The following COL4A6 variants were observed in gnomAD, a reference collection of about 807,000 sequenced individuals.
COL4A6 encodes collagen alpha-6(IV) chain.
A neutral mutation model predicts 126.7 loss-of-function variants in COL4A6; 59 were observed. The ratio of observed to expected loss-of-function variants is 0.47; its 90% CI spans 0.38 to 0.58. The LOEUF (loss-of-function observed/expected upper bound fraction) is 0.58. Ranked by LOEUF, COL4A6 falls within the 20% of genes least tolerant of loss-of-function variation. COL4A6 has a pLI of 0.00. For synonymous variants in COL4A6, 547 were observed against 496.6 expected, an observed-to-expected ratio of 1.10 and a Z score of -1.35; for missense variants, 1,285 against 1,337.3, an observed-to-expected ratio of 0.96 and a Z score of 0.61.
chrX:108,158,271 C>T (rs934751376), intron 44 of COL4A6, among the ~76,000 whole-genome samples: 1 of 112,953 alleles, frequency 8.9e-6, no homozygotes, highest in Non-Finnish European at 1.9e-5. Flanking sequence ...CCAAGGGGTA[C>T]GGCCCGTAGA....
At chrX:108,350,893 G>A (rs183046354) in intron 2 of COL4A6, among the ~76,000 whole-genome samples, 5 of 111,602 alleles carry the variant, frequency 4.5e-5, no homozygotes, top group East Asian at 5.6e-4. Flanking sequence ...GTAGTTGACC[G>A]TCAAAATCGA....
chrX:108,401,602 T>A (rs1271270108), intron 2 of COL4A6, among the ~76,000 whole-genome samples: 1 of 111,237 alleles, frequency 9.0e-6, no homozygotes, highest in South Asian at 3.8e-4. Context: ...GTGGGTACTC[T>A]TACTTTTCTT....
chrX:108,238,724 C>A (rs1340992913), intron 3 of COL4A6, among the ~76,000 whole-genome samples: 1 of 109,787 alleles, frequency 9.1e-6, no homozygotes, highest in Non-Finnish European at 1.9e-5. Context: ...ATATGCAGCA[C>A]TGAGGTTTCT....
At chrX:108,235,642 G>GGTTC (rs2036412229) in intron 3 of COL4A6, among the ~76,000 whole-genome samples, 1 of 111,154 alleles carries the variant, frequency 9.0e-6, no homozygotes, top group South Asian at 3.8e-4. Flanking sequence ...GTTTTGTCAG[G>GGTTC]GTTCTTCATC....
intron 3 of COL4A6, among the ~76,000 whole-genome samples, chrX:108,231,847 T>C (rs756762629): frequency 8.9e-6 from 1 of 112,292 alleles, no homozygotes; most frequent in East Asian, 2.8e-4. Flanking sequence ...ATATAATTAA[T>C]AAATTAAGAA....
chrX:108,211,612 G>T (rs2148226820), intron 7 of COL4A6, 60 bp downstream of exon 7: 1 of 1,054,042 alleles, frequency 9.5e-7, no homozygotes, highest in Non-Finnish European at 1.3e-6. Flanking sequence ...TGGAGGTGGG[G>T]CCCAATGCTG....
At chrX:108,274,369 G>C (rs1195090173) in intron 3 of COL4A6, among the ~76,000 whole-genome samples, 1 of 111,496 alleles carries the variant, frequency 9.0e-6, no homozygotes, top group African/African-American at 3.3e-5. Context: ...TTGGGTATAA[G>C]GATGGTCTCT....
At position 108,160,481 on chromosome X, in the gene COL4A6, CT is replaced by C; in HGVS notation, c.4506del (p.Ala1503ProfsTer50). The C allele has an allele frequency of 8.3e-7, 1 of 1,203,028 alleles. No individual in the cohort carries two copies. The highest frequency in any genetic ancestry group is 1.1e-6 in the Non-Finnish European group (1 of 891,197). ...TACCTACCCAGGTCCTGGTTGTGGG[CT>C]TTCTCTTGCCCCTCCACAAACAGTA... ...YSLLFVEGQE[K>X]AHNQDLGFAG... On this transcript the variant is annotated frameshift_variant, in exon 43 of 45. Coordinates refer to ENST00000334504, the MANE Select transcript of COL4A6 (RefSeq NM_033641.4). LOFTEE classifies it high-confidence loss of function.
At chrX:108,358,943 G>A (rs1298879643) in intron 2 of COL4A6, among the ~76,000 whole-genome samples, 1 of 111,494 alleles carries the variant, frequency 9.0e-6, no homozygotes, top group Non-Finnish European at 1.9e-5. Flanking sequence ...AGGCATGAGG[G>A]AGAGGGAGTA....
chrX:108,205,509 A>C lies in COL4A6; in HGVS notation c.646-29T>G, dbSNP rs868435647. The C allele has an allele frequency of 9.4e-6, 11 of 1,164,300 alleles. No individual in the cohort carries two copies. The Middle Eastern group carries it at 1.9e-3, about 202-fold the overall frequency. On this transcript the variant is annotated intron_variant, in intron 10 of 44. Transcript: ENST00000334504. ...GGGAATAGGGATATAGGGAGGAAAA[A>C]CAAAATCGATTACTAAATAAGCTCT...
chrX:108,386,543 C>T (rs1473308245), intron 2 of COL4A6, among the ~76,000 whole-genome samples: 5 of 111,917 alleles, frequency 4.5e-5, no homozygotes, highest in Admixed American at 9.5e-5. Flanking sequence ...ATGTTCATAT[C>T]GTTCGCCCAC....
At chrX:108,310,572 T>C (rs1283037775) in intron 3 of COL4A6, among the ~76,000 whole-genome samples, 176 bp downstream of exon 3, 1 of 112,363 alleles carries the variant, frequency 8.9e-6, no homozygotes, top group Non-Finnish European at 1.9e-5. Context: ...CTCAGAGAGT[T>C]TGACCAATCT....
At chrX:108,239,387 T>A (rs2036517323) in intron 3 of COL4A6, among the ~76,000 whole-genome samples, 1 of 112,402 alleles carries the variant, frequency 8.9e-6, no homozygotes, top group South Asian at 3.7e-4. Context: ...AATCCAACTC[T>A]ATTTTTCTCC....
intron 2 of COL4A6, among the ~76,000 whole-genome samples, chrX:108,327,597 T>G (rs575615010): frequency 9.1e-6 from 1 of 110,074 alleles, no homozygotes; most frequent in Admixed American, 9.7e-5. Flanking sequence ...AAATTAAAAT[T>G]TATCTATAGT....
chrX:108,361,018 G>A (rs1018665021), intron 2 of COL4A6, among the ~76,000 whole-genome samples: 1 of 111,212 alleles, frequency 9.0e-6, no homozygotes, highest in African/African-American at 3.3e-5. Context: ...GAGGCTGGAA[G>A]TCAGAGCTAT....
At chrX:108,316,592 T>C (rs1236174843) in intron 2 of COL4A6, among the ~76,000 whole-genome samples, 1 of 110,981 alleles carries the variant, frequency 9.0e-6, no homozygotes, top group Non-Finnish European at 1.9e-5. Flanking sequence ...ATTGTTAGAG[T>C]TGTAAATTCT....
chrX:108,283,588 T>TG (rs368474918), intron 3 of COL4A6, among the ~76,000 whole-genome samples: 109 of 9,358 alleles, frequency 0.012, no homozygotes, highest in South Asian at 0.023. Flanking sequence ...GTTTTTTTTT[T>TG]GGGGGGGGGT....
At chrX:108,314,395 C>G (rs1397075980) in intron 2 of COL4A6, among the ~76,000 whole-genome samples, 1 of 111,870 alleles carries the variant, frequency 8.9e-6, no homozygotes, top group African/African-American at 3.3e-5. Flanking sequence ...CCGTACCTCT[C>G]AAGGCCAAAT....
chrX:108,288,694 T>C, intron 3 of COL4A6, among the ~76,000 whole-genome samples: 1 of 110,876 alleles, frequency 9.0e-6, no homozygotes, highest in Non-Finnish European at 1.9e-5. Flanking sequence ...TTTCAACCCA[T>C]GGTTCTGCAG....
Sources: gnomAD v4.1 joint callset for allele counts (sites outside exome capture counted in the v4.1 genomes callset) on GRCh38, gnomAD v4.1.1 for gene constraint, MANE v1.5 for transcripts, NCBI Gene and HGNC (gene_info 2026-07-23, HGNC 2026-07-21) for gene names.